Variants in TENM1 observed in about 807,000 individuals in gnomAD.
TENM1 encodes the protein teneurin-1.
TENM1 carries 35 observed loss-of-function variants against 174.8 expected under a neutral mutation model. The observed-to-expected ratio is 0.20, with a 90% CI of 0.15 to 0.27. The LOEUF is 0.27. TENM1 is among the 10% of genes least tolerant of loss of function. The pLI is 1.00. For synonymous variants in TENM1, 781 were observed against 798.7 expected, an observed-to-expected ratio of 0.98 and a Z score of 0.37; for missense variants, 1,633 against 2,130.1, an observed-to-expected ratio of 0.77 and a Z score of 4.59.
chrX:124,777,671 A>G (rs7059552), intron 3 of TENM1, among the ~76,000 whole-genome samples: 6,014 of 112,313 alleles, frequency 0.054, 283 homozygotes, highest in African/African-American at 0.15. Context: ...GCAACAAGGA[A>G]GAAAGAAGTA....
At chrX:124,381,386 C>A (rs896632636) in intron 31 of TENM1, 92 bp from the exon 35 acceptor site, 1 of 858,662 alleles carries the variant, frequency 1.2e-6, no homozygotes, top group African/African-American at 2.0e-5. Flanking sequence ...TGCAAGTTTG[C>A]TTCCTTCTCT....
At chrX:125,133,354 T>C in the TENM1 span, among the ~76,000 whole-genome samples, 602 of 111,827 alleles carry the variant, frequency 5.4e-3, 4 homozygotes, top group Non-Finnish European at 9.3e-3. Context: ...CAAGTATCAC[T>C]AAGAACTTAA....
chrX:124,974,888 C>CTATATATATATATATATA, the TENM1 span, among the ~76,000 whole-genome samples: 145 of 72,742 alleles, frequency 2.0e-3, 9 homozygotes, highest in Non-Finnish European at 3.4e-3. Flanking sequence ...GGGACTGACA[C>CTATATATATATATATATA]TATATATATA....
intron 3 of TENM1, among the ~76,000 whole-genome samples, chrX:124,893,020 T>C (rs931269937): frequency 8.9e-6 from 1 of 111,977 alleles, no homozygotes; most frequent in Admixed American, 9.5e-5. Flanking sequence ...TTCCTCAAAT[T>C]AACATGCTTT....
intron 3 of TENM1, among the ~76,000 whole-genome samples, chrX:124,756,900 A>G (rs1307793803): frequency 9.0e-6 from 1 of 111,314 alleles, no homozygotes; most frequent in Non-Finnish European, 1.9e-5. Context: ...GTGTGCCCCT[A>G]CTGGGGGGTG....
At chrX:124,407,628 C>T (rs891865593) in intron 25 of TENM1, among the ~76,000 whole-genome samples, 1 of 111,917 alleles carries the variant, frequency 8.9e-6, no homozygotes, top group Admixed American at 9.5e-5. Context: ...ATAACTATAC[C>T]AGCCTTTGGA....
chrX:124,584,620 G>A (rs1006395137), intron 11 of TENM1, among the ~76,000 whole-genome samples: 21 of 111,146 alleles, frequency 1.9e-4, no homozygotes, highest in African/African-American at 3.6e-4. Context: ...GGAAGAAACC[G>A]CATCAACTAA....
At chrX:124,848,772 T>G (rs1463309982) in intron 3 of TENM1, among the ~76,000 whole-genome samples, 1 of 111,077 alleles carries the variant, frequency 9.0e-6, no homozygotes, top group African/African-American at 3.3e-5. Flanking sequence ...TATACTGTCA[T>G]AGATATTCAA....
the TENM1 span, among the ~76,000 whole-genome samples, chrX:125,178,745 G>A: frequency 2.2e-4 from 24 of 111,266 alleles, no homozygotes; most frequent in East Asian, 5.1e-3. Flanking sequence ...CTATAAAAAG[G>A]ATGATTGCCA....
chrX:125,158,621 G>GCCAA, the TENM1 span, among the ~76,000 whole-genome samples: 1 of 109,883 alleles, frequency 9.1e-6, no homozygotes, highest in Non-Finnish European at 1.9e-5. Context: ...TTTTGGGATG[G>GCCAA]TATACTAGTA....
the TENM1 span, among the ~76,000 whole-genome samples, chrX:125,057,357 TACACAC>T: frequency 1.1e-5 from 1 of 90,639 alleles, no homozygotes; most frequent in African/African-American, 5.0e-5. Flanking sequence ...TATACATACA[TACACAC>T]ACACACACAC....
At chrX:124,971,850 T>C in the TENM1 span, among the ~76,000 whole-genome samples, 6 of 112,269 alleles carry the variant, frequency 5.3e-5, no homozygotes, top group South Asian at 2.2e-3. Flanking sequence ...ATACTTTTTC[T>C]GTACGAGTTT....
At chrX:124,822,923 T>C (rs2056073258) in intron 3 of TENM1, among the ~76,000 whole-genome samples, 1 of 112,229 alleles carries the variant, frequency 8.9e-6, no homozygotes, top group Non-Finnish European at 1.9e-5. Context: ...TTATGTCTTA[T>C]GTTTCCAGAA....
chrX:125,121,535 T>C, the TENM1 span, among the ~76,000 whole-genome samples: 1 of 112,159 alleles, frequency 8.9e-6, no homozygotes, highest in African/African-American at 3.2e-5. Context: ...TGGCTACTTA[T>C]TTGTGTAGGC....
chrX:125,018,469 G>A, the TENM1 span, among the ~76,000 whole-genome samples: 1 of 111,100 alleles, frequency 9.0e-6, no homozygotes, highest in South Asian at 3.8e-4. Flanking sequence ...TACTTGGAGA[G>A]GAAATCTCTA....
intron 11 of TENM1, among the ~76,000 whole-genome samples, chrX:124,587,045 A>G (rs1298916689): frequency 8.2e-5 from 9 of 109,404 alleles, no homozygotes; most frequent in Non-Finnish European, 1.7e-4. Context: ...AAGAGGATAC[A>G]AACAAATGGA....
chrX:124,625,892 T>C (rs977217053), intron 11 of TENM1, among the ~76,000 whole-genome samples: 3 of 110,791 alleles, frequency 2.7e-5, no homozygotes, highest in African/African-American at 9.9e-5. Flanking sequence ...CAATTCTACA[T>C]GAGATTTGGT....
At chrX:124,686,929 G>A (rs1247986771) in intron 5 of TENM1, among the ~76,000 whole-genome samples, 1 of 111,371 alleles carries the variant, frequency 9.0e-6, no homozygotes, top group East Asian at 2.8e-4. Flanking sequence ...GGGCAAGCAG[G>A]CAAGAGAAAG....
chrX:124,911,657 C>T (rs1424649426), intron 1 of TENM1, among the ~76,000 whole-genome samples: 1 of 111,810 alleles, frequency 8.9e-6, no homozygotes, highest in Non-Finnish European at 1.9e-5. Flanking sequence ...TAAAGAACAG[C>T]AAACAATTTT....
Sources: gnomAD v4.1 joint callset for allele counts (sites outside exome capture counted in the v4.1 genomes callset) on GRCh38, gnomAD v4.1.1 for gene constraint, MANE v1.5 for transcripts, NCBI Gene and HGNC (gene_info 2026-07-23, HGNC 2026-07-21) for gene names.